SACS: variants seen among roughly 807,000 people sequenced by gnomAD.
The protein encoded by SACS is sacsin molecular chaperone, also known as sacsin.
SACS carries 197 observed loss-of-function variants against 348.0 expected under a neutral mutation model. The ratio of observed to expected loss-of-function variants is 0.57; its 90% confidence interval spans 0.50 to 0.64. The LOEUF (loss-of-function observed/expected upper bound fraction) is 0.64, where lower values mean the gene tolerates loss of function less well. Ranked by LOEUF, SACS falls within the 30% of genes least tolerant of loss-of-function variation. The pLI, the probability that SACS is intolerant of heterozygous loss-of-function variation, is 0.00. For synonymous variants in SACS, 1,985 were observed against 1,910.6 expected, an observed-to-expected ratio of 1.04 and a Z score of -1.02; for missense variants, 4,999 against 5,360.8, an observed-to-expected ratio of 0.93 and a Z score of 2.11.
Position 23,339,731 on chromosome 13 carries a change from T to G in SACS, c.4145A>C (p.His1382Pro). ...PASPNTPVPI[H>P]HSKNPSKLIM... ...AAGTTTAGAAGGATTTTTGCTATGATGTATAGGAACTGGTGTGTTGGGGCT... is the reference window on the plus strand; with the variant it reads ...AAGTTTAGAAGGATTTTTGCTATGAGGTATAGGAACTGGTGTGTTGGGGCT... Residue 1382 changes from histidine (H) to proline (P), a missense_variant, in exon 10 of 10, where the codon CAT becomes CCT. Physicochemically the swap from His to Pro is moderately conservative, Grantham distance 77 (BLOSUM62 -2). Transcript: ENST00000382292. 6.2e-7 allele frequency: 1 copy of G among 1,614,158 alleles called. No individual in the cohort carries two copies. Among genetic ancestry groups the G allele is most frequent in the Non-Finnish European group, 8.5e-7 (1 of 1,179,998 alleles).
chr13:23,353,903 T>C, intron 8 of SACS, 27 bp from the exon 9 acceptor site: 1 of 1,212,352 alleles, frequency 8.2e-7, no homozygotes, highest in Non-Finnish European at 1.2e-6. Context: ...ACAGCAATCA[T>C]CATAATCTTC....
At chr13:23,396,347 T>C (rs1872711605) in intron 2 of SACS, among the ~76,000 whole-genome samples, 2 of 150,826 alleles carry the variant, frequency 1.3e-5, no homozygotes, top group African/African-American at 2.5e-5. Context: ...AAAGAACTTA[T>C]ATAAATTCAA....
chr13:23,330,115 C>A lies in SACS; in HGVS notation c.*21G>T, dbSNP rs1019432705. ...GTGCTACAACACATTCAAGATCTAC[C>A]TTTTTTTTCGTTAAATATCTTCACA... On this transcript the variant is annotated 3_prime_UTR_variant, in exon 10 of 10. Coordinates refer to ENST00000382292, the MANE Select transcript of SACS (RefSeq NM_014363.6). 1 of 1,600,836 alleles carries A rather than the reference C, an allele frequency of 6.2e-7. No homozygotes were observed. The highest frequency in any genetic ancestry group is 1.3e-5 in the African/African-American group (1 of 74,666).
intron 2 of SACS, among the ~76,000 whole-genome samples, chr13:23,376,613 C>T (rs891610997): frequency 6.6e-6 from 1 of 152,190 alleles, no homozygotes; most frequent in Admixed American, 6.5e-5. Flanking sequence ...GCTGTTCCAT[C>T]TCTCTTACCA....
rs192613598 is a variant in SACS, at chr13:23,406,044, G to A, written c.20+5176C>T. On this transcript the variant is annotated intron_variant, in intron 2 of 9. Coordinates refer to ENST00000382292, the MANE Select transcript of SACS (RefSeq NM_014363.6). ...TCCCGTTACTGGGTATATACCCAAAGGATTATAAATCATTCTACTCTAAAG... is the reference window on the plus strand; with the variant it reads ...TCCCGTTACTGGGTATATACCCAAAAGATTATAAATCATTCTACTCTAAAG... 3.0e-4 allele frequency among the ~76,000 whole-genome samples: 45 copies of A among 152,242 alleles called. 1 individual carries two copies. Among genetic ancestry groups the A allele is most frequent in the Admixed American group, 2.9e-3 (45 of 15,292 alleles).
At chr13:23,422,268 A>G (rs1208051173) in intron 1 of SACS, among the ~76,000 whole-genome samples, 1 of 152,234 alleles carries the variant, frequency 6.6e-6, no homozygotes, top group Non-Finnish European at 1.5e-5. Flanking sequence ...CAATAACTAA[A>G]AACAAGCCAT....
intron 2 of SACS, among the ~76,000 whole-genome samples, chr13:23,383,817 T>C (rs926949493): frequency 6.6e-6 from 1 of 152,172 alleles, no homozygotes; most frequent in African/African-American, 2.4e-5. Context: ...ACCACATATT[T>C]ACTTGCTAAG....
intron 2 of SACS, among the ~76,000 whole-genome samples, chr13:23,376,283 G>A (rs2137849429): frequency 1.3e-5 from 2 of 152,290 alleles, no homozygotes; most frequent in East Asian, 3.9e-4. Flanking sequence ...CCCACGATAA[G>A]TAAAGTTGCC....
intron 2 of SACS, among the ~76,000 whole-genome samples, chr13:23,376,177 G>C (rs897209778): frequency 1.3e-5 from 2 of 152,082 alleles, no homozygotes; most frequent in Non-Finnish European, 1.5e-5. Flanking sequence ...AACTTATTTT[G>C]GCAATATTAT....
In SACS at chr13:23,333,774, T is replaced by C. The variant is rs1256536659; in HGVS notation, c.10102A>G (p.Met3368Val). The stretch of plus-strand genomic sequence containing the variant: ...GCTCTAAATGTTGAAGTTTGGACCA[T>C]ATAATGTAGAGCCTTCAAGATGCTT... ...PTSILKALHY[M>V]VQTSTFRAEK... The change falls in exon 10 of 10, where the codon ATG becomes GTG. Residue 3368 changes from methionine to valine, a missense_variant. Physicochemically the swap from Met to Val is conservative, Grantham distance 21. Transcript: ENST00000382292. The C allele has an allele frequency of 1.2e-6, 2 of 1,613,886 alleles. No homozygotes were observed. The highest frequency in any genetic ancestry group is 2.2e-5 in the South Asian group (2 of 91,076).
At chr13:23,374,438 G>A (rs765854750) in intron 3 of SACS, among the ~76,000 whole-genome samples, 3 of 152,198 alleles carry the variant, frequency 2.0e-5, no homozygotes, top group Admixed American at 1.3e-4. Flanking sequence ...TTAAATGCTG[G>A]AAATGATGTT....
At chr13:23,402,783 T>C (rs1381635430) in intron 2 of SACS, among the ~76,000 whole-genome samples, 1 of 152,118 alleles carries the variant, frequency 6.6e-6, no homozygotes, top group South Asian at 2.1e-4. Context: ...CCAGGAACCT[T>C]AGGACCCAGA....
chr13:23,378,204 G>A (rs1318224722), intron 2 of SACS, among the ~76,000 whole-genome samples: 7 of 152,292 alleles, frequency 4.6e-5, no homozygotes, highest in African/African-American at 1.7e-4. Flanking sequence ...AGAGTTTGTT[G>A]TTTGGTTGCC....
At chr13:23,361,595 G>A (rs1473371664) in intron 6 of SACS, among the ~76,000 whole-genome samples, 2 of 152,100 alleles carry the variant, frequency 1.3e-5, no homozygotes, top group African/African-American at 4.8e-5. Flanking sequence ...TGGCCAACAT[G>A]GTGAAACCCC....
chr13:23,390,477 T>C (rs1374373768), intron 2 of SACS, among the ~76,000 whole-genome samples: 1 of 152,086 alleles, frequency 6.6e-6, no homozygotes, highest in Admixed American at 6.6e-5. Context: ...CTGGGCAAGA[T>C]GGCAAAACCT....
chr13:23,358,904 G>C (rs1870561297), intron 6 of SACS, among the ~76,000 whole-genome samples: 1 of 152,098 alleles, frequency 6.6e-6, no homozygotes, highest in Admixed American at 6.6e-5. Context: ...GGGCGCAGTG[G>C]CTCATGCTTG....
chr13:23,382,875 G>C (rs1872122138), intron 2 of SACS, among the ~76,000 whole-genome samples: 1 of 148,740 alleles, frequency 6.7e-6, no homozygotes, highest in Non-Finnish European at 1.5e-5. Flanking sequence ...TCAAACTCCT[G>C]GGCTGAAGAG....
chr13:23,393,545 C>T (rs1036311210), intron 2 of SACS, among the ~76,000 whole-genome samples: 3 of 152,138 alleles, frequency 2.0e-5, no homozygotes, highest in Non-Finnish European at 4.4e-5. Flanking sequence ...CCCCACTGTT[C>T]TGCCTACTCT....
chr13:23,429,725 G>A (rs565697863), intron 1 of SACS, among the ~76,000 whole-genome samples: 1 of 152,164 alleles, frequency 6.6e-6, no homozygotes, highest in African/African-American at 2.4e-5. Flanking sequence ...GAGGCTGCAA[G>A]AGGTTAAGTG....
Sources: allele counts gnomAD v4.1 joint callset (sites outside exome capture counted in the v4.1 genomes callset), GRCh38; gene constraint gnomAD v4.1.1; transcripts MANE v1.5; gene names NCBI Gene and HGNC (gene_info 2026-07-23, HGNC 2026-07-21).